The following NOS1AP variants were observed in gnomAD, a reference collection of about 807,000 sequenced individuals.
NOS1AP encodes carboxyl-terminal PDZ ligand of neuronal nitric oxide synthase protein.
Under a neutral mutation model 56.2 loss-of-function variants are expected in NOS1AP, and 21 were observed. The ratio of observed to expected loss-of-function variants is 0.37; its 90% CI spans 0.26 to 0.54. NOS1AP has a LOEUF of 0.54. Among genes scored for constraint, NOS1AP ranks in the 20% least tolerant of loss-of-function variants. The probability of loss-of-function intolerance (pLI) is 0.84; values close to 1 mark genes in which losing one functional copy is unlikely to be tolerated. For missense variants in NOS1AP, 522 were observed against 657.8 expected (o/e 0.79, Z 2.26); for synonymous variants, 270 against 274.6 (o/e 0.98, Z 0.17).
intron 6 of NOS1AP, among the ~76,000 whole-genome samples, chr1:162,350,817 C>T (rs1225608688): frequency 2.3e-5 from 1 of 44,166 alleles, no homozygotes; most frequent in African/African-American, 5.0e-5. Context: ...TCTCCCTTCC[C>T]CGCAATTCCT....
intron 4 of NOS1AP, among the ~76,000 whole-genome samples, chr1:162,325,751 G>T (rs751624711): frequency 3.1e-4 from 47 of 151,682 alleles, no homozygotes; most frequent in Non-Finnish European, 6.5e-4. Context: ...ACTTGATTTT[G>T]TCTCCACCAT....
intron 4 of NOS1AP, among the ~76,000 whole-genome samples, chr1:162,328,028 T>C (rs1402316089): frequency 6.6e-6 from 1 of 152,242 alleles, no homozygotes; most frequent in Admixed American, 6.5e-5. Flanking sequence ...ACTGAGTTTT[T>C]TGCCTCAGGC....
chr1:162,365,530 G>T lies in NOS1AP; in HGVS notation c.1066G>T (p.Val356Leu). 6.2e-7 allele frequency: 1 copy of T among 1,613,362 alleles called. No homozygotes were observed. The highest frequency in any genetic ancestry group is 8.5e-7 in the Non-Finnish European group (1 of 1,180,046). Reference protein sequence around the residue: ...LQHISLLVKQVQELELKLSGQ... With the variant: ...LQHISLLVKQLQELELKLSGQ... ...GCACATCTCCCTGCTGGTCAAGCAG[G>T]TGCAAGAGCTGGAACTGAAGCTGTC... Residue 356 changes from valine (V) to leucine (L), a missense_variant, in exon 9 of 10, where the codon GTG becomes TTG. Physicochemically the swap from Val to Leu is conservative, Grantham distance 32. This residue lies in a region of NOS1AP where 52 missense variants were observed against 94.5 expected (regional missense o/e 0.55). Transcript: ENST00000361897.
intron 3 of NOS1AP, among the ~76,000 whole-genome samples, chr1:162,299,750 TGTG>T (rs1285354679): frequency 1.3e-5 from 2 of 152,082 alleles, no homozygotes; most frequent in Non-Finnish European, 2.9e-5. Context: ...AGGGATTAAA[TGTG>T]GTGTGTGTGT....
chr1:162,076,090 A>G (rs1388820543), intron 1 of NOS1AP, among the ~76,000 whole-genome samples: 1 of 152,180 alleles, frequency 6.6e-6, no homozygotes, highest in East Asian at 1.9e-4. Context: ...TTGCCTACTC[A>G]TAATGCAGCT....
At chr1:162,089,339 C>G (rs1217208923) in intron 1 of NOS1AP, among the ~76,000 whole-genome samples, 1 of 152,226 alleles carries the variant, frequency 6.6e-6, no homozygotes, top group Non-Finnish European at 1.5e-5. Flanking sequence ...TAATTACTCA[C>G]TTGCTTTATC....
intron 6 of NOS1AP, among the ~76,000 whole-genome samples, chr1:162,348,383 A>G (rs1657372144): frequency 1.3e-5 from 2 of 152,210 alleles, no homozygotes; most frequent in East Asian, 1.9e-4. Context: ...AGTGACCATG[A>G]GTACAAATAG....
intron 1 of NOS1AP, among the ~76,000 whole-genome samples, chr1:162,105,584 C>T (rs541021931): frequency 6.6e-6 from 1 of 152,324 alleles, no homozygotes; most frequent in Non-Finnish European, 1.5e-5. Flanking sequence ...TCAGAGCTCT[C>T]TCTGTAGAAC....
At chr1:162,285,627 C>T (rs899164347) in intron 2 of NOS1AP, among the ~76,000 whole-genome samples, 7 of 152,066 alleles carry the variant, frequency 4.6e-5, no homozygotes, top group African/African-American at 1.2e-4. Flanking sequence ...CTGTCAGATG[C>T]GCCTCTTCTT....
At chr1:162,186,168 A>G (rs1454038081) in intron 2 of NOS1AP, among the ~76,000 whole-genome samples, 1 of 152,222 alleles carries the variant, frequency 6.6e-6, no homozygotes, top group Non-Finnish European at 1.5e-5. Context: ...AGAAACACTC[A>G]GTGAAGCAAC....
chr1:162,179,026 T>C (rs996336869), intron 2 of NOS1AP, among the ~76,000 whole-genome samples: 1 of 152,182 alleles, frequency 6.6e-6, no homozygotes, highest in Admixed American at 6.5e-5. Flanking sequence ...TTATGTATAC[T>C]GTTTCTTTTT....
intron 2 of NOS1AP, among the ~76,000 whole-genome samples, chr1:162,193,462 T>C (rs1352512163): frequency 2.2e-4 from 33 of 152,138 alleles, no homozygotes; most frequent in Admixed American, 2.1e-3. Context: ...AAAGTGGGAA[T>C]GGCCTGAGAG....
intron 1 of NOS1AP, among the ~76,000 whole-genome samples, chr1:162,138,542 G>A (rs545575767): frequency 6.6e-6 from 1 of 152,312 alleles, no homozygotes; most frequent in African/African-American, 2.4e-5. Context: ...GGGAGAAGCT[G>A]GTGAGGCCAA....
At chr1:162,164,966 C>T (rs1430934414) in intron 2 of NOS1AP, among the ~76,000 whole-genome samples, 1 of 152,162 alleles carries the variant, frequency 6.6e-6, no homozygotes, top group African/African-American at 2.4e-5. Context: ...TAATGTTAGT[C>T]TTCAATAATC....
chr1:162,357,024 C>G lies in NOS1AP; in HGVS notation c.827C>G (p.Ser276Trp). ...AGGATGCTGCTCCCTTCTTCTTCCT[C>G]GAAGCCTCCAGGCCTGGGCACAGAG... The part of the protein sequence containing the change: ...SPRMLLPSSS[S>W]KPPGLGTETP... Residue 276 changes from serine (S) to tryptophan (W), a missense_variant, in exon 8 of 10, where the codon TCG becomes TGG. This residue lies in a region of NOS1AP where 178 missense variants were observed against 165.0 expected (regional missense o/e 1.08). Transcript: ENST00000361897. 1.2e-6 allele frequency: 2 copies of G among 1,613,972 alleles called. No individual in the cohort carries two copies. The highest frequency in any genetic ancestry group is 1.1e-5 in the South Asian group (1 of 91,084).
intron 8 of NOS1AP, among the ~76,000 whole-genome samples, chr1:162,359,724 G>GA (rs1426086825): frequency 6.6e-6 from 1 of 151,244 alleles, no homozygotes; most frequent in Non-Finnish European, 1.5e-5. Flanking sequence ...CTACGCGGGG[G>GA]GGGGCTGATT....
intron 2 of NOS1AP, among the ~76,000 whole-genome samples, chr1:162,268,130 G>A (rs1462328066): frequency 4.6e-5 from 7 of 151,980 alleles, no homozygotes; most frequent in African/African-American, 1.7e-4. Flanking sequence ...ATGGTGGCGT[G>A]TGCCTGTAAT....
At chr1:162,197,564 C>T (rs953810840) in intron 2 of NOS1AP, among the ~76,000 whole-genome samples, 1 of 152,178 alleles carries the variant, frequency 6.6e-6, no homozygotes, top group African/African-American at 2.4e-5. Flanking sequence ...AAGTGAAGTG[C>T]TTTTCAGTGG....
chr1:162,318,037 T>G (rs1262918606), intron 4 of NOS1AP, among the ~76,000 whole-genome samples: 2 of 152,118 alleles, frequency 1.3e-5, no homozygotes, highest in Non-Finnish European at 2.9e-5. Context: ...GGCCCCCACC[T>G]TAGTGGCAGG....
Sources: allele counts gnomAD v4.1 joint callset (sites outside exome capture counted in the v4.1 genomes callset), GRCh38; gene constraint gnomAD v4.1.1; regional missense constraint gnomAD v4.1.1; transcripts MANE v1.5; gene names NCBI Gene and HGNC (gene_info 2026-07-23, HGNC 2026-07-21).